Variants in STK3 observed in about 807,000 individuals in gnomAD.
STK3 encodes the protein serine/threonine kinase 3.
A neutral mutation model predicts 58.0 loss-of-function variants in STK3; 41 were observed. That is an observed-to-expected ratio of 0.71 (90% CI 0.55 to 0.92). The LOEUF is 0.92. Ranked by LOEUF, STK3 falls within the 40% of genes least tolerant of loss-of-function variation. STK3 has a pLI of 0.00. For missense variants in STK3, 479 were observed against 602.7 expected (o/e 0.79, Z 2.15); for synonymous variants, 170 against 191.0 (o/e 0.89, Z 0.91).
At chr8:98,584,255 C>A (rs1463916438) in intron 7 of STK3, among the ~76,000 whole-genome samples, 2 of 151,630 alleles carry the variant, frequency 1.3e-5, no homozygotes, top group Non-Finnish European at 2.9e-5. Context: ...CCCTTCCCCC[C>A]ACCCCACAAC....
At chr8:98,440,886 A>G (rs752693343) in intron 1 of STK3, among the ~76,000 whole-genome samples, 9 of 152,202 alleles carry the variant, frequency 5.9e-5, no homozygotes, top group Non-Finnish European at 1.3e-4. Flanking sequence ...TACCTTAGAG[A>G]GAAGGTCACT....
chr8:98,935,480 T>G (rs1044460211), intron 1 of STK3, among the ~76,000 whole-genome samples: 1 of 152,208 alleles, frequency 6.6e-6, no homozygotes, highest in Admixed American at 6.5e-5. Flanking sequence ...CCAAATTAAT[T>G]GCATCATTAT....
intron 3 of STK3, among the ~76,000 whole-genome samples, chr8:98,418,402 T>G (rs1369805535): frequency 6.6e-6 from 1 of 152,156 alleles, no homozygotes; most frequent in Non-Finnish European, 1.5e-5. Flanking sequence ...CAGAGCCAAC[T>G]CAGGCCCTGG....
At chr8:98,725,453 A>T (rs1397112692) in intron 4 of STK3, among the ~76,000 whole-genome samples, 1 of 152,176 alleles carries the variant, frequency 6.6e-6, no homozygotes, top group Non-Finnish European at 1.5e-5. Context: ...AAAGGAATGA[A>T]GCAGTTAAAA....
At position 98,655,243 on chromosome 8, in the gene STK3, C is replaced by T. The variant is rs183090789; in HGVS notation, c.684+51224G>A. Among the ~76,000 whole-genome samples, 182 of 152,252 alleles carry T rather than the reference C, an allele frequency of 1.2e-3. No individual in the cohort carries two copies. The East Asian group carries it at 0.02, about 16-fold the overall frequency. Reference sequence around the variant, plus strand: ...AAAACAAGCAATGGGGAAAGGATCCCCTATTTAATAAACGGTGCTGGGAAA... The same window carrying T: ...AAAACAAGCAATGGGGAAAGGATCCTCTATTTAATAAACGGTGCTGGGAAA... On this transcript the variant is annotated intron_variant, in intron 6 of 10. Coordinates refer to ENST00000419617, the MANE Select transcript of STK3 (RefSeq NM_006281.4).
At chr8:98,784,015 TC>T (rs1832293496) in intron 1 of STK3, among the ~76,000 whole-genome samples, 1 of 152,152 alleles carries the variant, frequency 6.6e-6, no homozygotes, top group African/African-American at 2.4e-5. Context: ...TCAGAAAGCC[TC>T]CCTCTGTGAC....
At chr8:98,550,445 C>A (rs2131592408) in intron 8 of STK3, among the ~76,000 whole-genome samples, 1 of 152,220 alleles carries the variant, frequency 6.6e-6, no homozygotes, top group South Asian at 2.1e-4. Flanking sequence ...TTTCATTTAT[C>A]TCTCCAGTCT....
intron 3 of STK3, among the ~76,000 whole-genome samples, chr8:98,760,492 T>C (rs1436900323): frequency 6.6e-6 from 1 of 152,156 alleles, no homozygotes; most frequent in Non-Finnish European, 1.5e-5. Context: ...AAAATTTCAC[T>C]GGGTGGAAGA....
chr8:98,653,888 T>G (rs971607556), intron 6 of STK3, among the ~76,000 whole-genome samples: 5 of 152,178 alleles, frequency 3.3e-5, no homozygotes, highest in South Asian at 2.1e-4. Context: ...ATTCACAGCC[T>G]AATTCTACCA....
chr8:98,660,628 A>G (rs963220085), intron 6 of STK3, among the ~76,000 whole-genome samples: 5 of 151,986 alleles, frequency 3.3e-5, no homozygotes, highest in Admixed American at 2.0e-4. Flanking sequence ...GACAAACACT[A>G]TCAACTTTAT....
In STK3 at chr8:98,460,475, C is replaced by T. The variant is rs184828712; in HGVS notation, c.1318-4475G>A. ...GGGTTAATGCTGGAATGAGTTAACA[C>T]GTTGGGGAACTATTGAAAAGGCATG... On this transcript the variant is annotated intron_variant, in intron 10 of 10. Transcript: ENST00000419617. Among the ~76,000 whole-genome samples, 194 of 152,200 alleles carry T rather than the reference C, an allele frequency of 1.3e-3. 1 individual carries two copies. Among genetic ancestry groups the T allele is most frequent in the Admixed American group, 6.4e-3 (98 of 15,276 alleles).
chr8:98,741,870 T>C (rs541122283), intron 4 of STK3, among the ~76,000 whole-genome samples: 82 of 151,988 alleles, frequency 5.4e-4, no homozygotes, highest in Admixed American at 9.8e-4. Flanking sequence ...AAGAATCAAA[T>C]AGAAGCAATA....
chr8:98,357,277 G>T, the STK3 span, among the ~76,000 whole-genome samples: 2 of 152,142 alleles, frequency 1.3e-5, no homozygotes, highest in African/African-American at 4.8e-5. Flanking sequence ...ATGACCCAGG[G>T]TTTACCTGCC....
At position 98,614,296 on chromosome 8, in the gene STK3, A is replaced by C. The variant is rs1817464601; in HGVS notation, c.685-18127T>G. ...ACTGAGGCATAAAACATACATCAAC[A>C]AATTTTAAAGAACTGAACAGAGTAG... On this transcript the variant is annotated intron_variant, in intron 6 of 10. Transcript: ENST00000419617. Among the ~76,000 whole-genome samples the C allele has an allele frequency of 2.0e-5, 3 of 152,224 alleles. No homozygotes were observed. The South Asian group carries it at 6.2e-4, about 31-fold the overall frequency.
At chr8:98,936,258 C>T (rs1840192762) in intron 1 of STK3, among the ~76,000 whole-genome samples, 1 of 152,076 alleles carries the variant, frequency 6.6e-6, no homozygotes, top group Non-Finnish European at 1.5e-5. Context: ...CCTTAATTTG[C>T]AGATTCAGAC....
intron 3 of STK3, among the ~76,000 whole-genome samples, chr8:98,871,633 GCT>G (rs1837384250): frequency 7.2e-6 from 1 of 138,752 alleles, no homozygotes; most frequent in Non-Finnish European, 1.6e-5. Context: ...TCATGATTTG[GCT>G]CTCTGTTTGT....
chr8:98,652,277 A>G (rs1245835770), intron 6 of STK3, among the ~76,000 whole-genome samples: 1 of 152,120 alleles, frequency 6.6e-6, no homozygotes, highest in Non-Finnish European at 1.5e-5. Context: ...AGAAAAGCAA[A>G]TGCTGAGAGA....
chr8:98,405,635 G>A (rs1001429525), intron 3 of STK3, among the ~76,000 whole-genome samples: 1 of 152,080 alleles, frequency 6.6e-6, no homozygotes, highest in Non-Finnish European at 1.5e-5. Flanking sequence ...GTGATACTAA[G>A]GTGTATTAGT....
chr8:98,366,270 A>G (rs186972929), downstream of STK3, among the ~76,000 whole-genome samples: 10 of 152,322 alleles, frequency 6.6e-5, no homozygotes, highest in African/African-American at 2.4e-4. Context: ...TTGGACATTC[A>G]GGGTTCTTCT....
Sources: gnomAD v4.1 joint callset for allele counts (sites outside exome capture counted in the v4.1 genomes callset) on GRCh38, gnomAD v4.1.1 for gene constraint, MANE v1.5 for transcripts, NCBI Gene and HGNC (gene_info 2026-07-23, HGNC 2026-07-21) for gene names.